Variants in MLLT10 observed in about 807,000 individuals in gnomAD.
MLLT10 encodes the protein MLLT10 histone lysine methyltransferase DOT1L cofactor, also known as protein AF-10.
MLLT10 carries 30 observed loss-of-function variants against 129.1 expected under a neutral mutation model. The ratio of observed to expected loss-of-function variants is 0.23; its 90% CI spans 0.17 to 0.32. The LOEUF (loss-of-function observed/expected upper bound fraction) is 0.32, where lower values mean the gene tolerates loss of function less well. MLLT10 is among the 10% of genes least tolerant of loss of function. MLLT10 has a pLI of 1.00. For synonymous variants in MLLT10, 490 were observed against 446.4 expected (o/e 1.10, Z -1.23); for missense variants, 1,119 against 1,268.3 (o/e 0.88, Z 1.79).
At chr10:21,593,099 A>ATTTTTTTTTTTTTTT (rs34081128) in intron 4 of MLLT10, among the ~76,000 whole-genome samples, 2 of 146,018 alleles carry the variant, frequency 1.4e-5, no homozygotes, top group Non-Finnish European at 3.0e-5. Flanking sequence ...CCACCCATTG[A>ATTTTTTTTTTTTTTT]TTTTTTTTTT....
chr10:21,634,037 C>G (rs962862290), intron 8 of MLLT10, among the ~76,000 whole-genome samples: 1 of 151,696 alleles, frequency 6.6e-6, no homozygotes, highest in African/African-American at 2.4e-5. Context: ...GTCAGGAGTT[C>G]GAGACCAGCC....
intron 9 of MLLT10, among the ~76,000 whole-genome samples, chr10:21,653,767 T>C (rs916169147): frequency 6.6e-6 from 1 of 152,216 alleles, no homozygotes. Context: ...TGAGTAGATA[T>C]GCTGACTAGC....
chr10:21,615,115 C>T (rs142627790), intron 7 of MLLT10, among the ~76,000 whole-genome samples, 191 bp downstream of exon 7: 24 of 151,818 alleles, frequency 1.6e-4, no homozygotes, highest in Non-Finnish European at 2.9e-4. Flanking sequence ...TTGCTTGCTT[C>T]GGTGTATTTG....
intron 3 of MLLT10, among the ~76,000 whole-genome samples, chr10:21,563,483 G>T (rs1417628427): frequency 6.6e-6 from 1 of 151,894 alleles, no homozygotes; most frequent in Non-Finnish European, 1.5e-5. Flanking sequence ...AGATTGTGCC[G>T]CTGTACTCCA....
At chr10:21,696,244 C>T (rs2054349558) in intron 13 of MLLT10, among the ~76,000 whole-genome samples, 1 of 151,448 alleles carries the variant, frequency 6.6e-6, no homozygotes, top group South Asian at 2.1e-4. Flanking sequence ...CTTCAAGTTT[C>T]CTTTTTATTC....
chr10:21,624,877 G>A lies in MLLT10; in HGVS notation c.699+7670G>A, dbSNP rs1041682350. ...CCCCCTCTGCCACCCCTACAGCCTC[G>A]TGGTGGTCCCAAAGGTGCCCCCTTT... On this transcript the variant is annotated intron_variant, in intron 8 of 22. Transcript: ENST00000307729. 59 of 1,155,584 alleles carry A rather than the reference G, an allele frequency of 5.1e-5. No homozygotes were observed. The African/African-American group carries it at 6.9e-4, about 14-fold the overall frequency. 71.6% of individuals were successfully genotyped at this position (1,155,584 alleles called of 1,614,324 possible). A position where few individuals can be genotyped will look rare whatever the true frequency, so the allele number is the denominator to read the frequency against.
At chr10:21,691,077 A>G (rs1564655043) in intron 13 of MLLT10, among the ~76,000 whole-genome samples, 1 of 152,174 alleles carries the variant, frequency 6.6e-6, no homozygotes, top group African/African-American at 2.4e-5. Flanking sequence ...ACAAATTATA[A>G]TTGGAAAGTG....
At chr10:21,681,429 C>T in intron 12 of MLLT10, 53 bp downstream of exon 12, 1 of 1,281,148 alleles carries the variant, frequency 7.8e-7, no homozygotes, top group Non-Finnish European at 1.1e-6. Flanking sequence ...CTCTAGTGCT[C>T]TTTCTAGTAT....
chr10:21,558,249 C>A (rs10828250), intron 3 of MLLT10, among the ~76,000 whole-genome samples: 1 of 151,708 alleles, frequency 6.6e-6, no homozygotes, highest in Non-Finnish European at 1.5e-5. Flanking sequence ...CTGTGCTTGG[C>A]CTTATTTTTC....
chr10:21,670,842 G>A (rs2051320217), intron 10 of MLLT10, 138 bp downstream of exon 10: 1 of 973,544 alleles, frequency 1.0e-6, no homozygotes, highest in South Asian at 2.3e-5. Flanking sequence ...GCTTTAGTAA[G>A]ATTACTTTAA....
chr10:21,534,773 C>T lies in MLLT10; in HGVS notation c.129C>T (p.Asp43=), dbSNP rs777831287. The T allele has an allele frequency of 1.9e-6, 3 of 1,612,048 alleles. No homozygotes were observed. The highest frequency in any genetic ancestry group is 2.5e-6 in the Non-Finnish European group (3 of 1,178,910). The change falls in exon 2 of 23, where the codon GAC becomes GAT. Residue 43 remains aspartate (D), a synonymous_variant. Transcript: ENST00000307729. Reference sequence around the variant, plus strand: ...CCGAGAACCCGCTGGTTTATTGCGACGGGCACGGCTGCAGCGTCGCGGTGC... The same window carrying T: ...CCGAGAACCCGCTGGTTTATTGCGATGGGCACGGCTGCAGCGTCGCGGTGC... ...GWAENPLVYC[D]GHGCSVAVHQ...
rs537640120 is a variant in MLLT10 at position 21,534,320 on chromosome 10, C to T, written c.-201C>T. 49 of 393,926 alleles carry T rather than the reference C, an allele frequency of 1.2e-4. 1 individual carries two copies. The highest frequency in any genetic ancestry group is 8.1e-4 in the African/African-American group (39 of 48,258). 24.4% of individuals were successfully genotyped at this position (393,926 alleles called of 1,614,324 possible). ...GCCCAGCGGGAGCCCCCCCTCCCCC[C>T]AGTGCGCCTGTGCGGAGGCCCTCTT... is the stretch of plus-strand genomic sequence containing the variant. On this transcript the variant is annotated 5_prime_UTR_variant, in exon 1 of 23. Coordinates refer to ENST00000307729, the MANE Select transcript of MLLT10 (RefSeq NM_001195626.3).
intron 3 of MLLT10, among the ~76,000 whole-genome samples, chr10:21,554,107 G>A (rs1426541588): frequency 6.6e-6 from 1 of 152,006 alleles, no homozygotes; most frequent in Non-Finnish European, 1.5e-5. Flanking sequence ...CTCCTGTTTT[G>A]GAATGTGAGT....
chr10:21,699,300 G>A (rs1400588685), intron 13 of MLLT10, among the ~76,000 whole-genome samples: 1 of 151,366 alleles, frequency 6.6e-6, no homozygotes, highest in African/African-American at 2.4e-5. Flanking sequence ...TCTGTTGTCA[G>A]GTGAATACTT....
chr10:21,605,314 A>T (rs2131168249), intron 5 of MLLT10, among the ~76,000 whole-genome samples: 1 of 152,286 alleles, frequency 6.6e-6, no homozygotes, highest in African/African-American at 2.4e-5. Context: ...AGAATATTGT[A>T]CTGATGTGTA....
intron 9 of MLLT10, among the ~76,000 whole-genome samples, chr10:21,665,383 G>A (rs12251128): frequency 0.036 from 5,489 of 151,238 alleles, 326 homozygotes; most frequent in African/African-American, 0.13. Flanking sequence ...CCGCCTCCTG[G>A]TTTTAAGCGA....
At chr10:21,613,690 C>T (rs2044906133) in intron 6 of MLLT10, among the ~76,000 whole-genome samples, 1 of 150,990 alleles carries the variant, frequency 6.6e-6, no homozygotes, top group Non-Finnish European at 1.5e-5. Flanking sequence ...ATTGCCTGAG[C>T]TCAGGAGTTC....
intron 14 of MLLT10, among the ~76,000 whole-genome samples, chr10:21,722,341 G>T (rs2057192239): frequency 6.6e-6 from 1 of 152,124 alleles, no homozygotes; most frequent in Non-Finnish European, 1.5e-5. Flanking sequence ...TTTCCAAAAA[G>T]AATTTCTAGT....
intron 8 of MLLT10, chr10:21,626,250 T>C: frequency 2.6e-6 from 4 of 1,557,348 alleles, no homozygotes; most frequent in Non-Finnish European, 3.5e-6. Context: ...AGAGCATCAA[T>C]TGCTCTTTCA....
Sources: allele counts gnomAD v4.1 joint callset (sites outside exome capture counted in the v4.1 genomes callset), GRCh38; gene constraint gnomAD v4.1.1; transcripts MANE v1.5; gene names NCBI Gene and HGNC (gene_info 2026-07-23, HGNC 2026-07-21).